The following MNDA variants were observed in gnomAD, a reference collection of about 807,000 sequenced individuals.
The protein encoded by MNDA is epididymis secretory sperm binding protein.
In MNDA, 43 loss-of-function variants were observed where a neutral mutation model predicts 37.8. That is an observed-to-expected ratio of 1.14 (90% CI 0.89 to 1.47). The LOEUF (loss-of-function observed/expected upper bound fraction) is 1.47. MNDA is among the 40% of genes most tolerant of loss of function. The pLI, the probability that MNDA is intolerant of heterozygous loss-of-function variation, is 0.00. For missense variants in MNDA, 536 were observed against 476.0 expected (o/e 1.13, Z -1.17); for synonymous variants, 181 against 169.0 (o/e 1.07, Z -0.55).
chr1:158,848,537 C>G (rs1287846832), intron 6 of MNDA, among the ~76,000 whole-genome samples: 2 of 151,942 alleles, frequency 1.3e-5, no homozygotes, highest in Non-Finnish European at 2.9e-5. Context: ...AAAAAAGGGA[C>G]TACTGAGGCC....
At chr1:158,834,948 GCTAT>G (rs1347385563) in intron 1 of MNDA, among the ~76,000 whole-genome samples, 3 of 152,226 alleles carry the variant, frequency 2.0e-5, no homozygotes, top group South Asian at 4.1e-4. Flanking sequence ...TTATTTCTAT[GCTAT>G]CTATCATATT....
rs1411842518 is a variant in MNDA, at chr1:158,847,772, T to C, written c.1032T>C (p.Asn344=). Residue 344 remains asparagine, a synonymous_variant, in exon 6 of 7, where the codon AAT becomes AAC. Coordinates refer to ENST00000368141, the MANE Select transcript of MNDA (RefSeq NM_002432.3). ...KKNTIYEIQD[N]TGSMDVVGSG... ...ACACAATTTATGAAATACAGGATAA[T>C]ACAGGATCCATGGATGTAGTGGGGA... 1 of 1,613,934 alleles carries C rather than the reference T, an allele frequency of 6.2e-7. No homozygotes were observed. The highest frequency in any genetic ancestry group is 8.5e-7 in the Non-Finnish European group (1 of 1,179,850).
In MNDA at chr1:158,847,712, T is replaced by C. The variant is rs1374224135; in HGVS notation, c.988-16T>C. 1 of 1,604,502 alleles carries C rather than the reference T, an allele frequency of 6.2e-7. No individual in the cohort carries two copies. The highest frequency in any genetic ancestry group is 1.1e-5 in the South Asian group (1 of 89,872). ...AACAATCCTCTCAGAAACAGGATGT[T>C]AATCTTCTTTTGCAGAAAAGCGTAC... On this transcript the variant is annotated splice_polypyrimidine_tract_variant and intron_variant, in intron 5 of 6. Coordinates refer to ENST00000368141, the MANE Select transcript of MNDA (RefSeq NM_002432.3).
intron 1 of MNDA, 75 bp from the exon 2 acceptor site, chr1:158,842,059 C>G: frequency 7.3e-7 from 1 of 1,369,218 alleles, no homozygotes. Context: ...GGGACACTCA[C>G]TCACAAAAGC....
intron 1 of MNDA, among the ~76,000 whole-genome samples, chr1:158,839,424 C>T (rs1658986698): frequency 6.6e-6 from 1 of 152,180 alleles, no homozygotes; most frequent in African/African-American, 2.4e-5. Flanking sequence ...TATCCATAAT[C>T]TCTTGCCTTC....
chr1:158,843,006 AT>A (rs1434138121), intron 2 of MNDA, among the ~76,000 whole-genome samples: 3 of 152,190 alleles, frequency 2.0e-5, no homozygotes, highest in Non-Finnish European at 4.4e-5. Flanking sequence ...GAAAGGGTTG[AT>A]TGAGGCACAT....
intron 1 of MNDA, among the ~76,000 whole-genome samples, chr1:158,832,919 G>A (rs996548771): frequency 1.3e-5 from 2 of 151,864 alleles, no homozygotes; most frequent in African/African-American, 2.4e-5. Context: ...ATTTTAACTT[G>A]GTTTTGCCAT....
chr1:158,839,328 C>T (rs1038676240), intron 1 of MNDA, among the ~76,000 whole-genome samples: 6 of 152,120 alleles, frequency 3.9e-5, no homozygotes, highest in African/African-American at 1.4e-4. Context: ...GTAATTCTCT[C>T]ATATACACAC....
At chr1:158,845,550 A>G (rs772793230) in intron 4 of MNDA, 37 bp from the exon 5 acceptor site, 6 of 1,541,204 alleles carry the variant, frequency 3.9e-6, no homozygotes, top group Non-Finnish European at 5.2e-6. Flanking sequence ...TCCTGCTCAA[A>G]GTTTTAAGTT....
chr1:158,835,896 T>G (rs1658903439), intron 1 of MNDA, among the ~76,000 whole-genome samples: 1 of 152,010 alleles, frequency 6.6e-6, no homozygotes, highest in Admixed American at 6.6e-5. Context: ...GATCATTTTT[T>G]TTTTGTCTTT....
At chr1:158,831,986 A>T (rs1372862461) in intron 1 of MNDA, among the ~76,000 whole-genome samples, 2 of 152,214 alleles carry the variant, frequency 1.3e-5, no homozygotes, top group African/African-American at 4.8e-5. Context: ...TCTCTATTTT[A>T]AAAAGCATAG....
intron 1 of MNDA, among the ~76,000 whole-genome samples, chr1:158,837,314 C>A (rs1658937860): frequency 6.6e-6 from 1 of 151,770 alleles, no homozygotes; most frequent in Admixed American, 6.6e-5. Context: ...ACATTAAAGT[C>A]TCTTACTATT....
chr1:158,832,736 G>A (rs566848362), intron 1 of MNDA, among the ~76,000 whole-genome samples: 1 of 151,906 alleles, frequency 6.6e-6, no homozygotes, highest in South Asian at 2.1e-4. Flanking sequence ...CTTTCTTTAA[G>A]TTAGAGTTTG....
At chr1:158,834,365 T>A (rs1658867827) in intron 1 of MNDA, among the ~76,000 whole-genome samples, 1 of 151,874 alleles carries the variant, frequency 6.6e-6, no homozygotes, top group Admixed American at 6.6e-5. Flanking sequence ...CCCATGTAGC[T>A]GGGACTACAG....
chr1:158,846,239 G>C (rs1659131288), intron 5 of MNDA, among the ~76,000 whole-genome samples: 1 of 152,192 alleles, frequency 6.6e-6, no homozygotes, highest in Admixed American at 6.5e-5. Flanking sequence ...GTAATGATCT[G>C]TTGTCAGCCA....
Position 158,842,295 on chromosome 1 carries a change from A to G in MNDA, c.142A>G (p.Ile48Val), listed in dbSNP as rs1558056590. 1 of 1,614,208 alleles carries G rather than the reference A, an allele frequency of 6.2e-7. No individual in the cohort carries two copies. Among genetic ancestry groups the G allele is most frequent in the Admixed American group, 1.7e-5 (1 of 60,020 alleles). ...KMQEEYNRIK[I>V]TDLMEKKFQG... ...GCAAGAGGAATACAACAGAATTAAG[A>G]TTACAGATTTGATGGAAAAAAAGTT... The change falls in exon 2 of 7, where the codon ATT (isoleucine) becomes GTT (valine). Residue 48 changes from isoleucine to valine, a missense_variant. Physicochemically the swap from Ile to Val is conservative, Grantham distance 29. Coordinates refer to ENST00000368141, the MANE Select transcript of MNDA (RefSeq NM_002432.3).
At chr1:158,845,468 C>A in intron 4 of MNDA, 119 bp from the exon 5 acceptor site, 1 of 939,502 alleles carries the variant, frequency 1.1e-6, no homozygotes, top group East Asian at 2.7e-5. Flanking sequence ...TCTCGATCTT[C>A]TGACCTCGTG....
intron 1 of MNDA, among the ~76,000 whole-genome samples, chr1:158,834,231 A>ATTTTTTTT (rs58502272): frequency 7.7e-6 from 1 of 130,292 alleles, no homozygotes; most frequent in Admixed American, 8.1e-5. Context: ...TCCTTTATCA[A>ATTTTTTTT]TTTTTTTTTT....
intron 3 of MNDA, 76 bp from the exon 4 acceptor site, chr1:158,843,879 G>T: frequency 7.6e-7 from 1 of 1,310,078 alleles, no homozygotes; most frequent in Non-Finnish European, 1.0e-6. Flanking sequence ...TTACTATGTT[G>T]TAATGAAAAA....
Sources: gnomAD v4.1 joint callset for allele counts (sites outside exome capture counted in the v4.1 genomes callset) on GRCh38, gnomAD v4.1.1 for gene constraint, MANE v1.5 for transcripts, NCBI Gene and HGNC (gene_info 2026-07-23, HGNC 2026-07-21) for gene names.